PARN: variants seen among roughly 807,000 people sequenced by gnomAD.
PARN encodes the protein poly(A)-specific ribonuclease PARN.
PARN carries 71 observed loss-of-function variants against 102.8 expected under a neutral mutation model. The ratio of observed to expected loss-of-function variants is 0.69; its 90% CI spans 0.57 to 0.84. The LOEUF is 0.84. Ranked by LOEUF, PARN falls within the 40% of genes least tolerant of loss-of-function variation. The pLI, the probability that PARN is intolerant of heterozygous loss-of-function variation, is 0.00. For synonymous variants in PARN, 261 were observed against 252.9 expected (o/e 1.03, Z -0.30); for missense variants, 782 against 760.9 (o/e 1.03, Z -0.33).
chr16:14,464,094 C>T (rs561332936), intron 22 of PARN, among the ~76,000 whole-genome samples: 16 of 152,256 alleles, frequency 1.1e-4, no homozygotes, highest in Admixed American at 2.6e-4. Flanking sequence ...CCACCTGCCC[C>T]GGCCTCCCAA....
chr16:14,463,266 C>A (rs910785028), intron 22 of PARN, among the ~76,000 whole-genome samples: 1 of 151,932 alleles, frequency 6.6e-6, no homozygotes, highest in African/African-American at 2.4e-5. Context: ...AATATCTCAA[C>A]GACATACTGG....
chr16:14,524,127 A>C (rs963541984), intron 21 of PARN, among the ~76,000 whole-genome samples: 6 of 152,244 alleles, frequency 3.9e-5, no homozygotes, highest in Admixed American at 3.9e-4. Flanking sequence ...ATATGACTGT[A>C]GTTGATTCTA....
At chr16:14,442,125 G>A (rs1489463154) in intron 23 of PARN, among the ~76,000 whole-genome samples, 3 of 152,140 alleles carry the variant, frequency 2.0e-5, no homozygotes, top group Non-Finnish European at 2.9e-5. Context: ...GGTGCTGATG[G>A]AACCTGCTGC....
chr16:14,518,365 A>G (rs147348180), intron 21 of PARN, among the ~76,000 whole-genome samples: 5 of 151,492 alleles, frequency 3.3e-5, no homozygotes. Flanking sequence ...ATATGAAACA[A>G]TGACAGAGCC....
chr16:14,445,396 TG>T (rs1211004889), intron 23 of PARN, among the ~76,000 whole-genome samples: 1 of 152,202 alleles, frequency 6.6e-6, no homozygotes, highest in Non-Finnish European at 1.5e-5. Context: ...ATTCATAGCT[TG>T]GGTATGAATC....
chr16:14,474,100 G>A (rs564493434), intron 22 of PARN, among the ~76,000 whole-genome samples: 5 of 152,146 alleles, frequency 3.3e-5, no homozygotes, highest in South Asian at 4.2e-4. Context: ...TCAAGCCATT[G>A]TACCACCTCA....
intron 22 of PARN, among the ~76,000 whole-genome samples, chr16:14,461,277 C>G (rs1961952540): frequency 1.3e-5 from 2 of 152,032 alleles, no homozygotes; most frequent in Admixed American, 6.6e-5. Flanking sequence ...GAAACTGAAA[C>G]AGAAAAAGGA....
At chr16:14,452,018 C>T (rs902829829) in intron 22 of PARN, among the ~76,000 whole-genome samples, 1 of 151,986 alleles carries the variant, frequency 6.6e-6, no homozygotes, top group Non-Finnish European at 1.5e-5. Flanking sequence ...GCCCACTGCA[C>T]TCCAGCCTGG....
chr16:14,610,078 C>A (rs989139366), intron 7 of PARN, among the ~76,000 whole-genome samples: 1 of 152,062 alleles, frequency 6.6e-6, no homozygotes, highest in Non-Finnish European at 1.5e-5. Flanking sequence ...AAAAAATCCA[C>A]GCAGGTCTGA....
chr16:14,513,818 C>T (rs1015001703), intron 21 of PARN, among the ~76,000 whole-genome samples: 2 of 152,190 alleles, frequency 1.3e-5, no homozygotes, highest in Non-Finnish European at 1.5e-5. Flanking sequence ...CTGCCGCAGA[C>T]GAGGTCCGTT....
chr16:14,494,723 T>G (rs1964226207), intron 21 of PARN, among the ~76,000 whole-genome samples: 1 of 152,188 alleles, frequency 6.6e-6, no homozygotes, highest in Non-Finnish European at 1.5e-5. Flanking sequence ...CTCCTCCTCC[T>G]GACAAAGATT....
At chr16:14,601,282 G>C (rs1970850382) in intron 11 of PARN, among the ~76,000 whole-genome samples, 1 of 152,168 alleles carries the variant, frequency 6.6e-6, no homozygotes, top group Non-Finnish European at 1.5e-5. Flanking sequence ...CCTTTAAAAA[G>C]GAAGGAAATT....
At chr16:14,508,957 C>T (rs1245807738) in intron 21 of PARN, among the ~76,000 whole-genome samples, 3 of 149,990 alleles carry the variant, frequency 2.0e-5, no homozygotes, top group Non-Finnish European at 4.4e-5. Flanking sequence ...ATAAAATTAT[C>T]CTGAGAATCC....
At chr16:14,509,323 T>C (rs946317519) in intron 21 of PARN, among the ~76,000 whole-genome samples, 1 of 152,192 alleles carries the variant, frequency 6.6e-6, no homozygotes, top group African/African-American at 2.4e-5. Context: ...CTGGCCCTGC[T>C]GGCTCACAGA....
chr16:14,588,709 C>T (rs1004456563), intron 13 of PARN, among the ~76,000 whole-genome samples: 1 of 152,016 alleles, frequency 6.6e-6, no homozygotes, highest in Admixed American at 6.6e-5. Context: ...GAAATCCCAT[C>T]TCCACTAAAA....
At chr16:14,508,195 G>C (rs1175809456) in intron 21 of PARN, among the ~76,000 whole-genome samples, 1 of 152,064 alleles carries the variant, frequency 6.6e-6, no homozygotes, top group Non-Finnish European at 1.5e-5. Context: ...CAGGCAGATA[G>C]ATAGATAGAT....
chr16:14,584,260 T>A, intron 16 of PARN, 87 bp downstream of exon 16: 1 of 885,772 alleles, frequency 1.1e-6, no homozygotes, highest in Non-Finnish European at 1.9e-6. Context: ...AACAATACGG[T>A]CTCCAGAGCC....
At chr16:14,571,487 A>G (rs17201300) in intron 18 of PARN, among the ~76,000 whole-genome samples, 27,966 of 152,214 alleles carry the variant, frequency 0.18, 3,184 homozygotes, top group Middle Eastern at 0.3. Flanking sequence ...TTATTTAGTT[A>G]CATGTAGGTT....
Position 14,436,444 on chromosome 16 carries a change from A to T in PARN, c.*273T>A, listed in dbSNP as rs575896465. On this transcript the variant is annotated 3_prime_UTR_variant, in exon 24 of 24. Transcript: ENST00000437198. Reference sequence around the variant, plus strand: ...GGGTCATGACAGGAAAGGCCTCACAAGAGCAACACGGAATTCACTGGTTAA... The same window carrying T: ...GGGTCATGACAGGAAAGGCCTCACATGAGCAACACGGAATTCACTGGTTAA... The T allele has an allele frequency of 2.0e-6, 1 of 504,702 alleles. No homozygotes were observed. The highest frequency in any genetic ancestry group is 1.9e-5 in the African/African-American group (1 of 52,204). 31.3% of individuals were successfully genotyped at this position (504,702 alleles called of 1,614,324 possible). A position where few individuals can be genotyped will look rare whatever the true frequency, so the allele number is the denominator to read the frequency against.
Sources: allele counts gnomAD v4.1 joint callset (sites outside exome capture counted in the v4.1 genomes callset), GRCh38; gene constraint gnomAD v4.1.1; transcripts MANE v1.5; gene names NCBI Gene and HGNC (gene_info 2026-07-23, HGNC 2026-07-21).